The following PTGER3 variants were observed in gnomAD, a reference collection of about 807,000 sequenced individuals.
PTGER3 encodes the protein prostaglandin E receptor 3.
PTGER3 carries 22 observed loss-of-function variants against 34.7 expected under a neutral mutation model. That is an observed-to-expected ratio of 0.63 (90% CI 0.45 to 0.91). PTGER3 has a LOEUF of 0.91. Ranked by LOEUF, PTGER3 falls within the 40% of genes least tolerant of loss-of-function variation. The pLI, the probability that PTGER3 is intolerant of heterozygous loss-of-function variation, is 0.00. For missense variants in PTGER3, 468 were observed against 519.4 expected, an observed-to-expected ratio of 0.90 and a Z score of 0.96; for synonymous variants, 241 against 230.1, an observed-to-expected ratio of 1.05 and a Z score of -0.43.
chr1:70,935,230 T>C (rs1224651830), intron 4 of PTGER3, among the ~76,000 whole-genome samples: 1 of 152,192 alleles, frequency 6.6e-6, no homozygotes, highest in African/African-American at 2.4e-5. Context: ...GTTCTCATTG[T>C]CAATGACATC....
At chr1:71,032,326 T>C (rs1280030533) in intron 1 of PTGER3, among the ~76,000 whole-genome samples, 1 of 152,192 alleles carries the variant, frequency 6.6e-6, no homozygotes, top group Non-Finnish European at 1.5e-5. Flanking sequence ...AGAAAACTCA[T>C]ACTAGTCTTT....
intron 2 of PTGER3, among the ~76,000 whole-genome samples, chr1:70,980,130 T>C (rs1055421489): frequency 4.6e-5 from 7 of 152,096 alleles, no homozygotes; most frequent in Admixed American, 4.6e-4. Flanking sequence ...AAGACAGGAC[T>C]GAATGAGCAA....
At chr1:70,949,672 G>A (rs1480145139), downstream of PTGER3, among the ~76,000 whole-genome samples, 2 of 152,148 alleles carry the variant, frequency 1.3e-5, no homozygotes, top group East Asian at 1.9e-4. Flanking sequence ...ATGGACACTT[G>A]AGACATTCTA....
chr1:70,955,279 G>T (rs1651202030), intron 2 of PTGER3, among the ~76,000 whole-genome samples: 1 of 152,170 alleles, frequency 6.6e-6, no homozygotes, highest in South Asian at 2.1e-4. Context: ...TAATCTCATA[G>T]AAAGGTGGTG....
At chr1:71,021,196 A>C (rs998926239) in intron 1 of PTGER3, among the ~76,000 whole-genome samples, 2 of 152,206 alleles carry the variant, frequency 1.3e-5, no homozygotes, top group Non-Finnish European at 2.9e-5. Flanking sequence ...TTAGTAATGC[A>C]GAATCATTAT....
chr1:70,916,162 T>G (rs1267850909), intron 4 of PTGER3, among the ~76,000 whole-genome samples: 2 of 151,892 alleles, frequency 1.3e-5, no homozygotes, highest in African/African-American at 4.8e-5. Flanking sequence ...ATCAGATAAA[T>G]GCAAATCAAA....
At chr1:70,877,092 G>T (rs192051324) in intron 4 of PTGER3, among the ~76,000 whole-genome samples, 1 of 152,308 alleles carries the variant, frequency 6.6e-6, no homozygotes, top group East Asian at 1.9e-4. Flanking sequence ...CACAAGCATG[G>T]AATGTTTTTA....
At chr1:71,003,976 A>G (rs1046553019) in intron 2 of PTGER3, among the ~76,000 whole-genome samples, 1 of 152,220 alleles carries the variant, frequency 6.6e-6, no homozygotes, top group African/African-American at 2.4e-5. Context: ...CCTATCATCA[A>G]TTTCTCAGAA....
At chr1:70,984,588 G>A (rs1351452060) in intron 2 of PTGER3, among the ~76,000 whole-genome samples, 1 of 151,950 alleles carries the variant, frequency 6.6e-6, no homozygotes, top group Non-Finnish European at 1.5e-5. Flanking sequence ...GTGTGCTGGT[G>A]TGAGCCTATA....
chr1:70,960,295 C>T (rs1167693333), intron 2 of PTGER3, among the ~76,000 whole-genome samples: 2 of 152,228 alleles, frequency 1.3e-5, no homozygotes. Context: ...ACAGTTGTGC[C>T]AGAAAATTGT....
chr1:71,040,698 G>A (rs1660240520), intron 1 of PTGER3, among the ~76,000 whole-genome samples: 1 of 152,150 alleles, frequency 6.6e-6, no homozygotes, highest in Admixed American at 6.6e-5. Context: ...AAAAAATAAT[G>A]TGCAAGACAC....
At chr1:70,981,395 C>T (rs1210170120) in intron 2 of PTGER3, among the ~76,000 whole-genome samples, 1 of 83,114 alleles carries the variant, frequency 1.2e-5, no homozygotes, top group African/African-American at 4.7e-5. Flanking sequence ...TTCTTTCTTT[C>T]CTTCCTTCCT....
At chr1:70,906,393 A>T (rs1414063464) in intron 4 of PTGER3, among the ~76,000 whole-genome samples, 1 of 152,218 alleles carries the variant, frequency 6.6e-6, no homozygotes, top group African/African-American at 2.4e-5. Context: ...AAAGTCATGG[A>T]TGCCTACATT....
chr1:70,952,716 C>G (rs1650883192), exon 4 of PTGER3: 6 of 1,243,730 alleles, frequency 4.8e-6, no homozygotes, highest in East Asian at 3.3e-5. Flanking sequence ...GAGTGACCAA[C>G]CAGTTTGTTC....
chr1:70,873,199 G>A (rs553370623), intron 4 of PTGER3, among the ~76,000 whole-genome samples: 1 of 152,252 alleles, frequency 6.6e-6, no homozygotes, highest in Admixed American at 6.5e-5. Context: ...GGAAAATATA[G>A]GAAGAATAAA....
chr1:70,931,433 G>C (rs1171848827), intron 4 of PTGER3, among the ~76,000 whole-genome samples: 2 of 152,204 alleles, frequency 1.3e-5, no homozygotes, highest in Admixed American at 1.3e-4. Flanking sequence ...TCTGTGTGGG[G>C]GCTCAGACTC....
intron 1 of PTGER3, among the ~76,000 whole-genome samples, chr1:71,022,606 C>T (rs4437828): frequency 0.33 from 50,493 of 151,594 alleles, 9,239 homozygotes; most frequent in South Asian, 0.45. Context: ...ATCTTATATT[C>T]AGGATGGACA....
intron 1 of PTGER3, among the ~76,000 whole-genome samples, chr1:71,016,483 T>C (rs891164045): frequency 6.6e-6 from 1 of 152,154 alleles, no homozygotes; most frequent in African/African-American, 2.4e-5. Context: ...AATTTACTTT[T>C]AAACAATATA....
At chr1:71,024,913 ATTTATTTT>A (rs1293951348) in intron 1 of PTGER3, among the ~76,000 whole-genome samples, 1 of 105,960 alleles carries the variant, frequency 9.4e-6, no homozygotes, top group Non-Finnish European at 1.9e-5. Context: ...TTATTTATTT[ATTTATTTT>A]TATTATACTT....
Sources: allele counts gnomAD v4.1 joint callset (sites outside exome capture counted in the v4.1 genomes callset), GRCh38; gene constraint gnomAD v4.1.1; transcripts MANE v1.5; gene names NCBI Gene and HGNC (gene_info 2026-07-23, HGNC 2026-07-21).